Variants in EIF4E observed in about 807,000 individuals in gnomAD.
EIF4E encodes eukaryotic translation initiation factor 4E, also known as eIF-4F 25 kDa subunit.
For synonymous variants in EIF4E, 71 were observed against 88.5 expected (o/e 0.80, Z 1.11); for missense variants, 113 against 265.6 (o/e 0.43, Z 3.99).
intron 1 of EIF4E, among the ~76,000 whole-genome samples, chr4:98,927,574 T>G (rs907449650): frequency 2.2e-5 from 3 of 136,570 alleles, no homozygotes; most frequent in African/African-American, 8.4e-5. Flanking sequence ...GAGAATCGCT[T>G]GAACCCGGAG....
chr4:98,901,151 CCTAT>C (rs1197467975), intron 2 of EIF4E, among the ~76,000 whole-genome samples: 1 of 151,998 alleles, frequency 6.6e-6, no homozygotes, highest in Admixed American at 6.6e-5. Flanking sequence ...TGTAAACCAC[CCTAT>C]CTTAGAATAA....
At chr4:98,899,107 T>C (rs1283433930) in intron 2 of EIF4E, among the ~76,000 whole-genome samples, 8 of 151,470 alleles carry the variant, frequency 5.3e-5, no homozygotes, top group Admixed American at 1.3e-4. Flanking sequence ...ACAAATGATA[T>C]GGATAACCTG....
At chr4:98,913,440 A>G (rs770446440) in intron 1 of EIF4E, among the ~76,000 whole-genome samples, 1 of 151,964 alleles carries the variant, frequency 6.6e-6, no homozygotes, top group Non-Finnish European at 1.5e-5. Context: ...AAGAGACGAT[A>G]CTGAATAGCT....
intron 1 of EIF4E, among the ~76,000 whole-genome samples, chr4:98,921,553 G>T (rs1356599118): frequency 6.6e-6 from 1 of 151,786 alleles, no homozygotes. Flanking sequence ...ATTTTTAGTA[G>T]AGATTACAAT....
At chr4:98,897,530 C>T in intron 2 of EIF4E, among the ~76,000 whole-genome samples, 1 of 152,086 alleles carries the variant, frequency 6.6e-6, no homozygotes, top group African/African-American at 2.4e-5. Flanking sequence ...CGCACCATTG[C>T]ACTCCAGCCT....
chr4:98,915,410 T>C (rs1204521014), intron 1 of EIF4E, among the ~76,000 whole-genome samples: 1 of 152,168 alleles, frequency 6.6e-6, no homozygotes, highest in Non-Finnish European at 1.5e-5. Context: ...GATCTAAATG[T>C]TCAAAATGTA....
intron 1 of EIF4E, among the ~76,000 whole-genome samples, chr4:98,905,384 A>G (rs1724827669): frequency 6.6e-6 from 1 of 152,222 alleles, no homozygotes; most frequent in South Asian, 2.1e-4. Context: ...CTTCCCTTGA[A>G]AAAGCATCGT....
At chr4:98,923,835 G>A (rs1453848979) in intron 1 of EIF4E, among the ~76,000 whole-genome samples, 1 of 152,146 alleles carries the variant, frequency 6.6e-6, no homozygotes, top group Non-Finnish European at 1.5e-5. Flanking sequence ...AAACATTCAT[G>A]GAATGTCAAC....
chr4:98,918,554 C>T (rs1052201772), intron 1 of EIF4E, among the ~76,000 whole-genome samples: 3 of 151,448 alleles, frequency 2.0e-5, no homozygotes, highest in East Asian at 1.9e-4. Context: ...TTTTTCAATC[C>T]GTTGTCAAAA....
chr4:98,917,128 ACAC>A (rs1560652662), intron 1 of EIF4E, among the ~76,000 whole-genome samples: 7 of 47,628 alleles, frequency 1.5e-4, no homozygotes, highest in South Asian at 4.7e-4. Context: ...ACACACACAC[ACAC>A]ACAAAAAAAA....
chr4:98,914,525 G>A (rs898651920), intron 1 of EIF4E, among the ~76,000 whole-genome samples: 7 of 151,752 alleles, frequency 4.6e-5, no homozygotes, highest in African/African-American at 1.2e-4. Context: ...GAACTTAAAT[G>A]TATATTACTA....
At chr4:98,928,941 C>G in intron 1 of EIF4E, 154 bp downstream of exon 1, 1 of 1,577,518 alleles carries the variant, frequency 6.3e-7, no homozygotes, top group Non-Finnish European at 8.6e-7. Context: ...CCGGGACGTC[C>G]CCACTTGTCC....
intron 6 of EIF4E, among the ~76,000 whole-genome samples, chr4:98,883,227 G>A (rs989197382): frequency 1.5e-4 from 23 of 151,988 alleles, no homozygotes; most frequent in South Asian, 2.1e-4. Context: ...AGCTGACATC[G>A]CGCTACTGCA....
intron 2 of EIF4E, among the ~76,000 whole-genome samples, chr4:98,898,350 T>C (rs888426331): frequency 3.3e-5 from 5 of 152,178 alleles, no homozygotes; most frequent in African/African-American, 1.2e-4. Context: ...GGCTCATGCC[T>C]GTAATCCCAG....
In EIF4E at chr4:98,918,536, G is replaced by T. The variant is rs561799973; in HGVS notation, c.18+10559C>A. Among the ~76,000 whole-genome samples, 41 of 151,952 alleles carry T rather than the reference G, an allele frequency of 2.7e-4. No homozygotes were observed. In the South Asian group the frequency reaches 8.3e-3, roughly 31 times the overall value. Reference sequence around the variant, plus strand: ...AAAAGTGTTTTATCTGACCAACAGGGTTTAAAATTTTTCAATCCGTTGTCA... The same window carrying T: ...AAAAGTGTTTTATCTGACCAACAGGTTTTAAAATTTTTCAATCCGTTGTCA... On this transcript the variant is annotated intron_variant, in intron 1 of 6. Coordinates refer to ENST00000450253, the MANE Select transcript of EIF4E (RefSeq NM_001968.5).
At chr4:98,881,328 G>A (rs1224876846) in intron 6 of EIF4E, among the ~76,000 whole-genome samples, 186 bp from the exon 7 acceptor site, 1 of 151,870 alleles carries the variant, frequency 6.6e-6, no homozygotes, top group Admixed American at 6.6e-5. Context: ...CGATATTCTT[G>A]GTTAATTACT....
chr4:98,885,121 A>T (rs1217853756), intron 5 of EIF4E, 60 bp from the exon 6 acceptor site: 4 of 1,562,676 alleles, frequency 2.6e-6, no homozygotes, highest in Non-Finnish European at 3.5e-6. Context: ...TACACTGCAA[A>T]TGTCTCTTCT....
At chr4:98,918,426 C>T (rs1725496153) in intron 1 of EIF4E, among the ~76,000 whole-genome samples, 1 of 149,804 alleles carries the variant, frequency 6.7e-6, no homozygotes, top group East Asian at 1.9e-4. Context: ...CTATTTTATA[C>T]TTTGTTTTTA....
intron 6 of EIF4E, among the ~76,000 whole-genome samples, chr4:98,883,393 ATTTTTTTT>A (rs11408890): frequency 4.8e-5 from 5 of 103,896 alleles, no homozygotes; most frequent in Non-Finnish European, 5.4e-5. Context: ...TGTAAGTCAA[ATTTTTTTT>A]TTTTTTTTTT....
Sources: allele counts gnomAD v4.1 joint callset (sites outside exome capture counted in the v4.1 genomes callset), GRCh38; gene constraint gnomAD v4.1.1; transcripts MANE v1.5; gene names NCBI Gene and HGNC (gene_info 2026-07-23, HGNC 2026-07-21).